PIK3C3: variants seen among roughly 807,000 people sequenced by gnomAD.
PIK3C3 encodes PI3-kinase type 3.
Under a neutral mutation model 126.1 loss-of-function variants are expected in PIK3C3, and 95 were observed. The observed-to-expected ratio is 0.75, with a 90% CI of 0.64 to 0.89. The LOEUF (loss-of-function observed/expected upper bound fraction) is 0.89. PIK3C3 is among the 40% of genes least tolerant of loss of function. PIK3C3 has a pLI of 0.00. For missense variants in PIK3C3, 829 were observed against 1,063.2 expected (o/e 0.78, Z 3.06); for synonymous variants, 374 against 360.0 (o/e 1.04, Z -0.44).
Position 42,049,554 on chromosome 18 carries a change from A to G in PIK3C3, c.2212A>G (p.Ile738Val), listed in dbSNP as rs569473930. The G allele has an allele frequency of 6.2e-7, 1 of 1,613,888 alleles. No individual in the cohort carries two copies. The highest frequency in any genetic ancestry group is 1.1e-5 in the South Asian group (1 of 91,066). ...AGCTGGATATTGCGTGATCACCTAT[A>G]TACTTGGAGTTGGAGACAGGCACCT... ...SCAGYCVITYILGVGDRHLDN... is the reference protein window; with the variant it reads ...SCAGYCVITYVLGVGDRHLDN... Residue 738 changes from isoleucine (I) to valine (V), a missense_variant, in exon 21 of 25, where the codon ATA (isoleucine) becomes GTA (valine). Ile to Val is a conservative substitution (Grantham distance 29, BLOSUM62 3). Around this residue, in one of 4 missense-constraint regions of PIK3C3, gnomAD observed 196 missense variants for 312.8 expected, o/e 0.63. Coordinates refer to ENST00000262039, the MANE Select transcript of PIK3C3 (RefSeq NM_002647.4).
chr18:42,005,372 G>T (rs570123998), intron 10 of PIK3C3, among the ~76,000 whole-genome samples: 1 of 152,288 alleles, frequency 6.6e-6, no homozygotes, highest in Admixed American at 6.5e-5. Context: ...AATCTTATGG[G>T]ATTACTGTCA....
chr18:42,029,052 T>G (rs1983700538), intron 14 of PIK3C3, among the ~76,000 whole-genome samples: 1 of 152,204 alleles, frequency 6.6e-6, no homozygotes, highest in Non-Finnish European at 1.5e-5. Flanking sequence ...GAATTCTATC[T>G]TGTCACATGG....
intron 9 of PIK3C3, among the ~76,000 whole-genome samples, chr18:41,999,067 C>T (rs1308176076): frequency 1.3e-5 from 2 of 151,074 alleles, no homozygotes; most frequent in South Asian, 2.1e-4. Context: ...TTTCTACCCC[C>T]TTTTTTTTTC....
chr18:41,992,215 G>A (rs1376785688), intron 6 of PIK3C3, among the ~76,000 whole-genome samples: 1 of 152,166 alleles, frequency 6.6e-6, no homozygotes, highest in Non-Finnish European at 1.5e-5. Context: ...TGCTGGGCCA[G>A]TGTATTGAAT....
At chr18:41,957,527 T>TA (rs1254838970) in intron 1 of PIK3C3, 43 bp from the exon 2 acceptor site, 1 of 1,586,358 alleles carries the variant, frequency 6.3e-7, no homozygotes, top group East Asian at 2.2e-5. Context: ...TGTACATGCT[T>TA]AAAAAATTCA....
intron 19 of PIK3C3, among the ~76,000 whole-genome samples, chr18:42,041,073 T>A (rs1984293886): frequency 6.6e-6 from 1 of 152,042 alleles, no homozygotes; most frequent in Non-Finnish European, 1.5e-5. Context: ...TCCCAGCTAC[T>A]TGGGAGGCTG....
intron 10 of PIK3C3, among the ~76,000 whole-genome samples, chr18:42,013,070 T>C (rs548483273): frequency 1.3e-5 from 2 of 152,096 alleles, no homozygotes; most frequent in East Asian, 3.9e-4. Context: ...AGGATCCTTC[T>C]ATAATTTCTT....
At chr18:42,046,057 A>G (rs941673777) in intron 20 of PIK3C3, among the ~76,000 whole-genome samples, 2 of 152,164 alleles carry the variant, frequency 1.3e-5, no homozygotes, top group African/African-American at 4.8e-5. Flanking sequence ...CCCAAGAGCT[A>G]CTGAAAATAT....
intron 3 of PIK3C3, among the ~76,000 whole-genome samples, chr18:41,965,586 C>T (rs1980318027): frequency 6.6e-6 from 1 of 152,164 alleles, no homozygotes; most frequent in Non-Finnish European, 1.5e-5. Context: ...GCCCAAGAAT[C>T]AGCATTTTAA....
intron 24 of PIK3C3, among the ~76,000 whole-genome samples, chr18:42,078,371 GAGACT>G: frequency 8.2e-6 from 1 of 121,780 alleles, no homozygotes. Flanking sequence ...GCAACAGAGC[GAGACT>G]CTGTCTCAAA....
chr18:42,008,207 CATT>C (rs1982640886), intron 10 of PIK3C3, among the ~76,000 whole-genome samples: 1 of 151,774 alleles, frequency 6.6e-6, no homozygotes, highest in Non-Finnish European at 1.5e-5. Flanking sequence ...CTTTATCTTG[CATT>C]ATTTTGAAAT....
intron 24 of PIK3C3, among the ~76,000 whole-genome samples, chr18:42,075,024 T>G (rs1190145900): frequency 6.6e-6 from 1 of 152,150 alleles, no homozygotes; most frequent in Non-Finnish European, 1.5e-5. Context: ...ATTCATATAG[T>G]CTCCCTTTAT....
chr18:41,966,497 T>A (rs1298386549), intron 3 of PIK3C3, among the ~76,000 whole-genome samples: 1 of 152,160 alleles, frequency 6.6e-6, no homozygotes, highest in Non-Finnish European at 1.5e-5. Context: ...TATCTTTATT[T>A]ACCCCAACTT....
chr18:42,085,194 T>G lies in PIK3C3; in HGVS notation c.*4057T>G, dbSNP rs944815118. 3 of 152,316 alleles carry G rather than the reference T, an allele frequency of 2.0e-5. No homozygotes were observed. The highest frequency in any genetic ancestry group is 3.4e-3 in the Middle Eastern group (1 of 294). The allele number at this position is 152,316 out of a possible 1,614,324, so 9.4% of individuals were successfully genotyped here. A position where few individuals can be genotyped will look rare whatever the true frequency, so the allele number is the denominator to read the frequency against. The stretch of plus-strand genomic sequence containing the variant: ...AATACTGGTAAGTGAAAGTTCATTT[T>G]GTTCAGTGCTATGGGCTGGTACATT... On this transcript the variant is annotated 3_prime_UTR_variant, in exon 25 of 25. Coordinates refer to ENST00000262039, the MANE Select transcript of PIK3C3 (RefSeq NM_002647.4).
intron 15 of PIK3C3, 51 bp from the exon 16 acceptor site, chr18:42,033,775 A>G (rs767547160): frequency 5.0e-6 from 7 of 1,392,010 alleles, no homozygotes; most frequent in Non-Finnish European, 6.9e-6. Flanking sequence ...TATATGTTTT[A>G]TAAACTACTC....
intron 24 of PIK3C3, among the ~76,000 whole-genome samples, chr18:42,079,038 A>G (rs548626653): frequency 5.9e-5 from 9 of 152,218 alleles, no homozygotes; most frequent in Non-Finnish European, 1.0e-4. Flanking sequence ...CTAGAGTAGC[A>G]TTTTAATTTC....
chr18:41,972,655 T>C (rs151079669), intron 4 of PIK3C3, among the ~76,000 whole-genome samples: 2,021 of 152,212 alleles, frequency 0.013, 19 homozygotes, highest in Middle Eastern at 0.034. Context: ...TATTAACTTA[T>C]GTTCCCCAAA....
chr18:42,076,738 T>C (rs1986048723), intron 24 of PIK3C3, among the ~76,000 whole-genome samples: 1 of 152,246 alleles, frequency 6.6e-6, no homozygotes, highest in South Asian at 2.1e-4. Flanking sequence ...TATTTCTCAT[T>C]CATACAAATT....
intron 22 of PIK3C3, among the ~76,000 whole-genome samples, chr18:42,058,661 C>T (rs1406484093): frequency 6.6e-6 from 1 of 152,066 alleles, no homozygotes; most frequent in Non-Finnish European, 1.5e-5. Flanking sequence ...AATGTTTTTT[C>T]TCCGTCCTTT....
Sources: allele counts gnomAD v4.1 joint callset (sites outside exome capture counted in the v4.1 genomes callset), GRCh38; gene constraint gnomAD v4.1.1; regional missense constraint gnomAD v4.1.1; transcripts MANE v1.5; gene names NCBI Gene and HGNC (gene_info 2026-07-23, HGNC 2026-07-21).